The following ASTN2 variants were observed in gnomAD, a reference collection of about 807,000 sequenced individuals.
The protein encoded by ASTN2 is astrotactin-2.
Under a neutral mutation model 139.8 loss-of-function variants are expected in ASTN2, and 54 were observed. The observed-to-expected ratio is 0.39, with a 90% CI of 0.31 to 0.48. The LOEUF (loss-of-function observed/expected upper bound fraction) is 0.48. Among genes scored for constraint, ASTN2 ranks in the 20% least tolerant of loss-of-function variants. ASTN2 has a pLI of 0.95. For synonymous variants in ASTN2, 756 were observed against 719.5 expected (o/e 1.05, Z -0.81); for missense variants, 1,565 against 1,725.1 (o/e 0.91, Z 1.64).
At chr9:117,117,796 T>C (rs1829435342) in intron 4 of ASTN2, among the ~76,000 whole-genome samples, 1 of 152,150 alleles carries the variant, frequency 6.6e-6, no homozygotes, top group South Asian at 2.1e-4. Context: ...TACGTTTCTA[T>C]CCCAGGAGAA....
rs574128378 is a variant in ASTN2 at position 116,777,746 on chromosome 9, T to C, written c.2396+27886A>G. 5.3e-4 allele frequency among the ~76,000 whole-genome samples: 80 copies of C among 152,352 alleles called. No individual in the cohort carries two copies. In the East Asian group the frequency reaches 0.013, roughly 24 times the overall value. ...TATTCCAGTTCCGCTCAGATATTAA[T>C]GTGCAAATAACTCACCTGAAAATCT... is the stretch of plus-strand genomic sequence containing the variant. On this transcript the variant is annotated intron_variant, in intron 13 of 22. Transcript: ENST00000313400.
rs1340745936 is a variant in ASTN2, at chr9:116,425,596, AG to A, written c.*254del. The A allele has an allele frequency of 1.2e-6, 2 of 1,613,506 alleles. No homozygotes were observed. ...GCCATCCATAAGAAAAGGTTTAAAA[AG>A]GAGAGACTTTTGATAGAGTCAAATA... On this transcript the variant is annotated 3_prime_UTR_variant, in exon 23 of 23. Transcript: ENST00000313400.
intron 1 of ASTN2, among the ~76,000 whole-genome samples, chr9:117,335,611 T>G (rs868471811): frequency 6.6e-6 from 1 of 152,188 alleles, no homozygotes; most frequent in Non-Finnish European, 1.5e-5. Flanking sequence ...TTACTTATAT[T>G]TTGTTAATGG....
chr9:116,760,676 G>T (rs1055232058), intron 13 of ASTN2, among the ~76,000 whole-genome samples: 2 of 152,050 alleles, frequency 1.3e-5, no homozygotes, highest in Admixed American at 6.5e-5. Flanking sequence ...GAAGGGGGAG[G>T]GGAGAGAGGT....
chr9:116,843,543 C>T (rs367659883), intron 11 of ASTN2, among the ~76,000 whole-genome samples: 3 of 151,736 alleles, frequency 2.0e-5, no homozygotes. Flanking sequence ...CCTGTAATCT[C>T]AGGTACTCGG....
chr9:117,348,417 T>A (rs1829289502), intron 1 of ASTN2, among the ~76,000 whole-genome samples: 1 of 152,200 alleles, frequency 6.6e-6, no homozygotes, highest in South Asian at 2.1e-4. Flanking sequence ...GATACAAGCA[T>A]GTCTCTGAAA....
chr9:117,020,618 G>A (rs945235149), intron 6 of ASTN2, among the ~76,000 whole-genome samples: 1 of 151,888 alleles, frequency 6.6e-6, no homozygotes, highest in African/African-American at 2.4e-5. Flanking sequence ...TTCTTATATC[G>A]GTATCACCAC....
intron 12 of ASTN2, among the ~76,000 whole-genome samples, chr9:116,816,896 A>AAAAT (rs10525804): frequency 0.38 from 56,344 of 148,110 alleles, 11,425 homozygotes; most frequent in East Asian, 0.72. Flanking sequence ...GGTAGAAATG[A>AAAAT]AAATAAATAA....
At chr9:117,237,815 C>T (rs73655606) in intron 2 of ASTN2, among the ~76,000 whole-genome samples, 16,561 of 152,202 alleles carry the variant, frequency 0.11, 1,449 homozygotes, top group African/African-American at 0.23. Context: ...GTGTGCCATG[C>T]TCACAGTGTT....
intron 16 of ASTN2, among the ~76,000 whole-genome samples, chr9:116,705,280 A>T (rs1025148142): frequency 6.6e-6 from 1 of 152,210 alleles, no homozygotes; most frequent in African/African-American, 2.4e-5. Flanking sequence ...AATAAAAAGC[A>T]TTTTTGAAAT....
At chr9:116,891,174 T>C (rs1035045757) in intron 10 of ASTN2, among the ~76,000 whole-genome samples, 1 of 152,214 alleles carries the variant, frequency 6.6e-6, no homozygotes, top group African/African-American at 2.4e-5. Flanking sequence ...AAAGACTGTT[T>C]ATATTTTAAA....
At chr9:117,204,548 A>G (rs1243429188) in intron 3 of ASTN2, among the ~76,000 whole-genome samples, 1 of 152,230 alleles carries the variant, frequency 6.6e-6, no homozygotes, top group Non-Finnish European at 1.5e-5. Context: ...TTATTTTTGT[A>G]CAGTGTGGGA....
At chr9:117,326,915 T>C (rs1237954855) in intron 1 of ASTN2, among the ~76,000 whole-genome samples, 1 of 152,160 alleles carries the variant, frequency 6.6e-6, no homozygotes, top group Non-Finnish European at 1.5e-5. Flanking sequence ...GCAGTGGATA[T>C]AAGTTAAATC....
chr9:116,738,702 A>T (rs901203074), intron 13 of ASTN2, among the ~76,000 whole-genome samples: 3 of 152,202 alleles, frequency 2.0e-5, no homozygotes, highest in African/African-American at 7.2e-5. Flanking sequence ...TTATAGACAA[A>T]GAAACATGTT....
Position 116,725,779 on chromosome 9 carries a change from T to C in ASTN2, c.2798A>G (p.Tyr933Cys). ...KKVQQQLWLQ[Y>C]QKETTELGSK... ...AGGCACTCCGGGCTTACCTTTCTGATACTGGAGCCACAGCTGCTGCTGGAC... is the reference window on the plus strand; with the variant it reads ...AGGCACTCCGGGCTTACCTTTCTGACACTGGAGCCACAGCTGCTGCTGGAC... Residue 933 changes from tyrosine (Y) to cysteine (C), a missense_variant, in exon 16 of 23, where the codon TAT (tyrosine) becomes TGT (cysteine). Transcript: ENST00000313400. 1 of 1,613,274 alleles carries C rather than the reference T, an allele frequency of 6.2e-7. No homozygotes were observed. Among genetic ancestry groups the C allele is most frequent in the Non-Finnish European group, 8.5e-7 (1 of 1,179,888 alleles).
chr9:117,157,135 T>C (rs1278793803), intron 3 of ASTN2, among the ~76,000 whole-genome samples: 3 of 151,996 alleles, frequency 2.0e-5, no homozygotes, highest in Non-Finnish European at 4.4e-5. Flanking sequence ...TCCACTGGTT[T>C]GTAATAAGTT....
At chr9:117,095,494 T>G (rs1828817974) in intron 5 of ASTN2, among the ~76,000 whole-genome samples, 1 of 152,246 alleles carries the variant, frequency 6.6e-6, no homozygotes, top group South Asian at 2.1e-4. Context: ...ACACGGTATC[T>G]TATTTATACA....
chr9:116,820,453 T>C (rs926060004), intron 12 of ASTN2, among the ~76,000 whole-genome samples, 164 bp downstream of exon 12: 1 of 152,158 alleles, frequency 6.6e-6, no homozygotes, highest in Non-Finnish European at 1.5e-5. Flanking sequence ...CAACAGAAGG[T>C]TATACTTTTG....
intron 19 of ASTN2, among the ~76,000 whole-genome samples, chr9:116,517,708 A>T (rs1021939535): frequency 6.6e-6 from 1 of 152,252 alleles, no homozygotes; most frequent in Non-Finnish European, 1.5e-5. Context: ...TATGCTAATC[A>T]AGGAGGCACC....
Sources: allele counts gnomAD v4.1 joint callset (sites outside exome capture counted in the v4.1 genomes callset), GRCh38; gene constraint gnomAD v4.1.1; transcripts MANE v1.5; gene names NCBI Gene and HGNC (gene_info 2026-07-23, HGNC 2026-07-21).